The following PLPP7 variants were observed in gnomAD, a reference collection of about 807,000 sequenced individuals.
The protein encoded by PLPP7 is phospholipid phosphatase 7 (inactive).
In PLPP7, 11 loss-of-function variants were observed where a neutral mutation model predicts 16.9. The observed-to-expected ratio is 0.65, with a 90% CI of 0.41 to 1.08. The LOEUF (loss-of-function observed/expected upper bound fraction) is 1.08. Ranked by LOEUF, PLPP7 falls within the 50% of genes least tolerant of loss-of-function variation. The probability of loss-of-function intolerance (pLI) is 0.00; values close to 1 mark genes in which losing one functional copy is unlikely to be tolerated. For synonymous variants in PLPP7, 174 were observed against 175.1 expected (o/e 0.99, Z 0.05); for missense variants, 358 against 397.1 (o/e 0.90, Z 0.84).
At position 131,290,999 on chromosome 9, in the gene PLPP7, G is replaced by GC; in HGVS notation, c.451+556dup. 1 of 1,242,352 alleles carries GC rather than the reference G, an allele frequency of 8.0e-7. No homozygotes were observed. The allele number at this position is 1,242,352 out of a possible 1,614,324, so 77.0% of individuals were successfully genotyped here. ...CCCCTGGGACTGCCACCCACTCACA[G>GC]CCCCCTGGAGTTCTTCCCTGCTCCT... On this transcript the variant is annotated intron_variant, in intron 1 of 1. Transcript: ENST00000372264. This position sits in a 1 kb window ranked among gnomAD's most constrained non-coding sequence, Gnocchi z 4.2.
rs1463515695 is a variant in PLPP7 at position 131,295,516 on chromosome 9, T to C, written c.451+5068T>C. On this transcript the variant is annotated intron_variant, in intron 1 of 1. Transcript: ENST00000372264. The surrounding 1 kb of genome is among the most constrained non-coding windows in gnomAD (Gnocchi z 4.0). Reference sequence around the variant, plus strand: ...GCTATACATCACACAAAATTGATCATTGTAGTCATTTGAAGTGTACAGTTC... The same window carrying C: ...GCTATACATCACACAAAATTGATCACTGTAGTCATTTGAAGTGTACAGTTC... Among the ~76,000 whole-genome samples the C allele has an allele frequency of 1.3e-5, 2 of 152,196 alleles. No individual in the cohort carries two copies. The highest frequency in any genetic ancestry group is 2.9e-5 in the Non-Finnish European group (2 of 68,032).
At chr9:131,299,676 CCA>C (rs1835774593) in intron 1 of PLPP7, among the ~76,000 whole-genome samples, 2 of 152,150 alleles carry the variant, frequency 1.3e-5, no homozygotes, top group South Asian at 4.1e-4. Flanking sequence ...GGGCGAAAAG[CCA>C]CGCACCCCGT....
At position 131,290,130 on chromosome 9, in the gene PLPP7, C is replaced by T; in HGVS notation, c.133C>T (p.Pro45Ser). 3 of 1,557,498 alleles carry T rather than the reference C, an allele frequency of 1.9e-6. No individual in the cohort carries two copies. The highest frequency in any genetic ancestry group is 2.6e-6 in the Non-Finnish European group (3 of 1,149,602). Residue 45 changes from proline to serine, a missense_variant, in exon 1 of 2, where the codon CCA becomes TCA. Coordinates refer to ENST00000372264, the MANE Select transcript of PLPP7 (RefSeq NM_032728.4). The surrounding 1 kb of genome is among the most constrained non-coding windows in gnomAD (Gnocchi z 4.2). ...PRSSGRKASG[P>S]SAQPPPAGDG... is the part of the protein sequence containing the mutation. ...CAGCTCGGGCAGAAAGGCCTCGGGC[C>T]CATCAGCACAGCCCCCACCTGCTGG...
At position 131,289,832 on chromosome 9, in the gene PLPP7, G is replaced by A. The variant is rs1467841415; in HGVS notation, c.-166G>A. 2.0e-6 allele frequency: 1 copy of A among 493,588 alleles called. No individual in the cohort carries two copies. The highest frequency in any genetic ancestry group is 3.2e-6 in the Non-Finnish European group (1 of 309,926). The allele number at this position is 493,588 out of a possible 1,614,324, so 30.6% of individuals were successfully genotyped here. ...GACGTCCCCTTGGAGCTGGGTGGCAGAGGAGATAAACAGCCATGTGCAACT... is the reference window on the plus strand; with the variant it reads ...GACGTCCCCTTGGAGCTGGGTGGCAAAGGAGATAAACAGCCATGTGCAACT... On this transcript the variant is annotated 5_prime_UTR_variant, in exon 1 of 2. Transcript: ENST00000372264.
At position 131,308,443 on chromosome 9, in the gene PLPP7, C is replaced by T; in HGVS notation, c.*156C>T. The stretch of plus-strand genomic sequence containing the variant: ...CCCCTCCTGGCTGGAGGCTGGCGAA[C>T]CCAGGCCACCCCTCCCGGAGACAAG... On this transcript the variant is annotated 3_prime_UTR_variant, in exon 2 of 2. Coordinates refer to ENST00000372264, the MANE Select transcript of PLPP7 (RefSeq NM_032728.4). 1 of 1,192,010 alleles carries T rather than the reference C, an allele frequency of 8.4e-7. No homozygotes were observed. Among genetic ancestry groups the T allele is most frequent in the African/African-American group, 1.5e-5 (1 of 64,894 alleles). 73.8% of individuals were successfully genotyped at this position (1,192,010 alleles called of 1,614,324 possible).
At chr9:131,292,788 G>T (rs958256882) in intron 1 of PLPP7, 60 of 984,924 alleles carry the variant, frequency 6.1e-5, no homozygotes, top group African/African-American at 7.0e-5. Flanking sequence ...TTTTTTACAG[G>T]AATGTTTGCT....
chr9:131,300,496 G>A (rs1478206550), intron 1 of PLPP7, among the ~76,000 whole-genome samples: 2 of 151,840 alleles, frequency 1.3e-5, no homozygotes, highest in South Asian at 2.1e-4. Context: ...ACCAGCTTGG[G>A]CAACAAACTG....
rs1835872047 is a variant in PLPP7 at position 131,307,966 on chromosome 9, C to T, written c.495C>T (p.Leu165=). 2 of 1,598,400 alleles carry T rather than the reference C, an allele frequency of 1.3e-6. No individual in the cohort carries two copies. Among genetic ancestry groups the T allele is most frequent in the Non-Finnish European group, 8.5e-7 (1 of 1,178,728 alleles). The change falls in exon 2 of 2, where the codon CTC becomes CTT. Residue 165 remains leucine, a synonymous_variant. Coordinates refer to ENST00000372264, the MANE Select transcript of PLPP7 (RefSeq NM_032728.4). ...TGACGGTGGCCGGCGTGCAGAAGCT[C>T]ATCAAGCGGCGCGGCCCGTACGAGA... ...DIMTVAGVQK[L]IKRRGPYETS... is the part of the protein sequence containing the mutation.
intron 1 of PLPP7, among the ~76,000 whole-genome samples, chr9:131,306,151 G>A (rs1407444748): frequency 6.7e-6 from 1 of 149,866 alleles, no homozygotes; most frequent in Non-Finnish European, 1.5e-5. Context: ...GCAGGAGAAT[G>A]GCGTGAACCC....
rs889206116 is a variant in PLPP7 at position 131,308,028 on chromosome 9, T to C, written c.557T>C (p.Ile186Thr). ...CTCCTGGACTACCTCACCATGGACA[T>C]CTACGCCTTCCCGGCCGGGCACGCC... ...PSLLDYLTMDIYAFPAGHASR... is the reference protein window; with the variant it reads ...PSLLDYLTMDTYAFPAGHASR... Residue 186 changes from isoleucine (I) to threonine (T), a missense_variant, in exon 2 of 2, where the codon ATC becomes ACC. Ile to Thr is a moderately conservative substitution (Grantham distance 89). Transcript: ENST00000372264. The C allele has an allele frequency of 2.5e-6, 4 of 1,600,936 alleles. No homozygotes were observed. The highest frequency in any genetic ancestry group is 3.4e-6 in the Non-Finnish European group (4 of 1,179,848).
At chr9:131,297,097 TGGCCACCCCCA>T (rs1835742288) in intron 1 of PLPP7, among the ~76,000 whole-genome samples, 1 of 152,254 alleles carries the variant, frequency 6.6e-6, no homozygotes, top group Non-Finnish European at 1.5e-5. Context: ...GGGGGGCCTT[TGGCCACCCCCA>T]GGCCAGGTCA....
intron 1 of PLPP7, chr9:131,292,773 G>T (rs1011195781): frequency 6.5e-5 from 60 of 928,846 alleles, no homozygotes; most frequent in Non-Finnish European, 7.2e-5. Context: ...GCTCTGCTTT[G>T]TTTTTTTTTT....
intron 1 of PLPP7, among the ~76,000 whole-genome samples, chr9:131,297,291 T>A (rs1438280969): frequency 6.6e-6 from 1 of 152,170 alleles, no homozygotes; most frequent in Non-Finnish European, 1.5e-5. Flanking sequence ...GCAGAGTGAA[T>A]AACCAGCGCC....
At chr9:131,291,131 G>A in intron 1 of PLPP7, 1 of 1,366,510 alleles carries the variant, frequency 7.3e-7, no homozygotes, top group Non-Finnish European at 9.8e-7. Context: ...CCCTGTGCCA[G>A]GTGCCACGTG....
chr9:131,306,465 C>A (rs1404825102), intron 1 of PLPP7, among the ~76,000 whole-genome samples: 1 of 77,774 alleles, frequency 1.3e-5, no homozygotes, highest in African/African-American at 3.6e-5. Flanking sequence ...TCACGTGAAC[C>A]CGGGAGGTGG....
chr9:131,307,821 G>A (rs1835870252), intron 1 of PLPP7, 102 bp from the exon 2 acceptor site: 1 of 1,249,402 alleles, frequency 8.0e-7, no homozygotes, highest in South Asian at 1.5e-5. Flanking sequence ...AGTGGCCTGA[G>A]TGAGGAGCAG....
rs1835878717 is a variant in PLPP7 at position 131,308,269 on chromosome 9, G to T, written c.798G>T (p.Met266Ile). The change falls in exon 2 of 2, where the codon ATG becomes ATT. Residue 266 changes from methionine to isoleucine, a missense_variant. Met to Ile is a conservative substitution (Grantham distance 10, BLOSUM62 1). Transcript: ENST00000372264. ...GGATGCCCTCCAGCACCTGCCAGAT[G>T]CTCATCTCTGCCTGGTGAAGCGCCC... ...LVWMPSSTCQ[M>I]LISAW The T allele has an allele frequency of 1.3e-6, 2 of 1,593,404 alleles. No individual in the cohort carries two copies. The highest frequency in any genetic ancestry group is 2.7e-5 in the African/African-American group (2 of 74,862).
chr9:131,296,622 C>A (rs1835736766), intron 1 of PLPP7, among the ~76,000 whole-genome samples: 1 of 152,182 alleles, frequency 6.6e-6, no homozygotes, highest in African/African-American at 2.4e-5. Context: ...TGAGCCTCTC[C>A]CTTAAACCCT....
rs2131222482 is a variant in PLPP7 at position 131,308,169 on chromosome 9, G to T, written c.698G>T (p.Gly233Val). 6.2e-7 allele frequency: 1 copy of T among 1,600,370 alleles called. No homozygotes were observed. The highest frequency in any genetic ancestry group is 8.5e-7 in the Non-Finnish European group (1 of 1,179,828). The change falls in exon 2 of 2, where the codon GGC becomes GTC. Residue 233 changes from glycine (G) to valine (V), a missense_variant. Coordinates refer to ENST00000372264, the MANE Select transcript of PLPP7 (RefSeq NM_032728.4). Reference protein sequence around the residue: ...LCVGLSRVMIGRHHVTDVLSG... With the variant: ...LCVGLSRVMIVRHHVTDVLSG... ...GTGGGCCTGTCCCGCGTGATGATCGGCCGCCACCACGTCACGGACGTCCTC... is the reference window on the plus strand; with the variant it reads ...GTGGGCCTGTCCCGCGTGATGATCGTCCGCCACCACGTCACGGACGTCCTC...
Sources: allele counts gnomAD v4.1 joint callset (sites outside exome capture counted in the v4.1 genomes callset), GRCh38; gene constraint gnomAD v4.1.1; non-coding constraint Gnocchi (gnomAD v3.1); transcripts MANE v1.5; gene names NCBI Gene and HGNC (gene_info 2026-07-23, HGNC 2026-07-21).